The following TVP23C variants were observed in gnomAD, a reference collection of about 807,000 sequenced individuals.
TVP23C encodes trans-golgi network vesicle protein 23 homolog C, also known as Golgi apparatus membrane protein TVP23 homolog C.
In TVP23C, 19 loss-of-function variants were observed where a neutral mutation model predicts 28.7. The observed-to-expected ratio is 0.66, with a 90% CI of 0.46 to 0.97. The LOEUF is 0.97. Ranked by LOEUF, TVP23C falls within the 50% of genes least tolerant of loss-of-function variation. TVP23C has a pLI of 0.00. For synonymous variants in TVP23C, 68 were observed against 81.7 expected, an observed-to-expected ratio of 0.83 and a Z score of 0.90; for missense variants, 186 against 241.3, an observed-to-expected ratio of 0.77 and a Z score of 1.52.
rs7210623 is a variant in TVP23C at position 15,561,218 on chromosome 17, C to T, written c.12+2219G>A. 4.9e-3 allele frequency among the ~76,000 whole-genome samples: 745 copies of T among 152,194 alleles called. 3 individuals carry two copies. The highest frequency in any genetic ancestry group is 0.017 in the African/African-American group (710 of 41,532). Reference sequence around the variant, plus strand: ...TTTGAGTTTTAATAGTTGCCTAAGGCGAGAGGGTGAAGGGGCTATGGAAAT... The same window carrying T: ...TTTGAGTTTTAATAGTTGCCTAAGGTGAGAGGGTGAAGGGGCTATGGAAAT... On this transcript the variant is annotated intron_variant, in intron 1 of 5. Transcript: ENST00000518321.
At chr17:15,541,166 T>C in intron 5 of TVP23C, among the ~76,000 whole-genome samples, 1 of 152,236 alleles carries the variant, frequency 6.6e-6, no homozygotes, top group Admixed American at 6.5e-5. Flanking sequence ...TCACCTATGG[T>C]GATCCCACTA....
Position 15,545,809 on chromosome 17 carries a change from G to A in TVP23C, c.438C>T (p.Leu146=), listed in dbSNP as rs759539917. 4 of 1,613,900 alleles carry A rather than the reference G, an allele frequency of 2.5e-6. No individual in the cohort carries two copies. The South Asian group carries it at 4.4e-5, about 18-fold the overall frequency. The change falls in exon 5 of 6, where the codon CTC becomes CTT. Residue 146 remains leucine (L), a synonymous_variant. Coordinates refer to ENST00000518321, the MANE Select transcript of TVP23C (RefSeq NM_001135036.2). The part of the protein sequence containing the change: ...VLWVIFAFSA[L]FSFTVKWLAV... ...CCAGCCACTTTACTGTGAAGGAGAAGAGTGCACTAAAGGCAAATATCACCC... is the reference window on the plus strand; with the variant it reads ...CCAGCCACTTTACTGTGAAGGAGAAAAGTGCACTAAAGGCAAATATCACCC...
intron 5 of TVP23C, among the ~76,000 whole-genome samples, chr17:15,524,821 T>C (rs1214904825): frequency 6.6e-6 from 1 of 152,126 alleles, no homozygotes; most frequent in Non-Finnish European, 1.5e-5. Flanking sequence ...AGATACAAGG[T>C]TGCAAATAGC....
chr17:15,563,036 A>G (rs1464263431), intron 1 of TVP23C: 1 of 263,336 alleles, frequency 3.8e-6, no homozygotes, highest in African/African-American at 2.2e-5. Flanking sequence ...TGGAAACAGC[A>G]ATTTGAAAGC....
At chr17:15,558,114 T>C (rs1984214760) in intron 1 of TVP23C, among the ~76,000 whole-genome samples, 1 of 149,434 alleles carries the variant, frequency 6.7e-6, no homozygotes, top group African/African-American at 2.4e-5. Context: ...TATAATTGCT[T>C]TGAGGTGTGA....
intron 3 of TVP23C, among the ~76,000 whole-genome samples, chr17:15,548,165 GGTTTT>G (rs1338181497): frequency 1.3e-5 from 2 of 151,686 alleles, no homozygotes; most frequent in Non-Finnish European, 2.9e-5. Context: ...TTTTTTGTTT[GGTTTT>G]GTTTTTTGTT....
chr17:15,538,565 G>C lies in TVP23C; in HGVS notation c.*1847C>G. ...AGATCGCGCCACTGCACTCCAGCCT[G>C]GGCAAACAGAGTGAGACTCTGTCTC... is the stretch of plus-strand genomic sequence containing the variant. On this transcript the variant is annotated 3_prime_UTR_variant, in exon 6 of 6. Coordinates refer to ENST00000518321, the MANE Select transcript of TVP23C (RefSeq NM_001135036.2). 1.0e-6 allele frequency: 1 copy of C among 966,824 alleles called. No individual in the cohort carries two copies. The allele number at this position is 966,824 out of a possible 1,614,324, so 59.9% of individuals were successfully genotyped here.
At chr17:15,511,053 CAAAAAAAAAAA>C (rs58794054) in intron 5 of TVP23C, among the ~76,000 whole-genome samples, 3 of 83,418 alleles carry the variant, frequency 3.6e-5, no homozygotes, top group African/African-American at 8.3e-5. Flanking sequence ...GACTTCGTCT[CAAAAAAAAAAA>C]AAAAAAAAAA....
At chr17:15,517,735 C>T (rs1982292781) in intron 5 of TVP23C, among the ~76,000 whole-genome samples, 1 of 152,158 alleles carries the variant, frequency 6.6e-6, no homozygotes, top group Non-Finnish European at 1.5e-5. Flanking sequence ...CAGGAGGAAG[C>T]CACATCCGAT....
At chr17:15,511,882 G>A (rs1982021039) in intron 5 of TVP23C, among the ~76,000 whole-genome samples, 1 of 152,164 alleles carries the variant, frequency 6.6e-6, no homozygotes, top group South Asian at 2.1e-4. Flanking sequence ...TAGTTCTAAT[G>A]TTTACTTGCA....
intron 3 of TVP23C, among the ~76,000 whole-genome samples, chr17:15,553,399 G>A (rs1327043488): frequency 6.6e-6 from 1 of 151,968 alleles, no homozygotes; most frequent in African/African-American, 2.4e-5. Context: ...TAGGGTCTAT[G>A]GTTGCTAGTC....
intron 5 of TVP23C, among the ~76,000 whole-genome samples, chr17:15,513,894 T>C (rs1223291605): frequency 1.3e-5 from 2 of 152,204 alleles, no homozygotes; most frequent in African/African-American, 4.8e-5. Context: ...AATCTCAGCA[T>C]AGGGCAGAAG....
rs186190222 is a variant in TVP23C, at chr17:15,531,514, A to G, written c.462+14271T>C. ...TTTTTCTTTCTGTTCCTCGGACTGGATAATTACATTTGTCCTATTTTCAAA... is the reference window on the plus strand; with the variant it reads ...TTTTTCTTTCTGTTCCTCGGACTGGGTAATTACATTTGTCCTATTTTCAAA... On this transcript the variant is annotated intron_variant, in intron 5 of 5. Transcript: ENST00000225576. 4.2e-3 allele frequency among the ~76,000 whole-genome samples: 641 copies of G among 152,200 alleles called. 5 individuals are homozygous for G. The highest frequency in any genetic ancestry group is 0.014 in the African/African-American group (594 of 41,522).
In TVP23C at chr17:15,538,855, A is replaced by G; in HGVS notation, c.*1557T>C. The G allele has an allele frequency of 2.0e-6, 2 of 985,886 alleles. No individual in the cohort carries two copies. The highest frequency in any genetic ancestry group is 2.4e-6 in the Non-Finnish European group (2 of 829,944). 61.1% of individuals were successfully genotyped at this position (985,886 alleles called of 1,614,324 possible). ...AAGTTACCCTAAGGTGGACCACAGT[A>G]AAGGTATATTGGAGCCATGCAAAAA... On this transcript the variant is annotated 3_prime_UTR_variant, in exon 6 of 6. Coordinates refer to ENST00000518321, the MANE Select transcript of TVP23C (RefSeq NM_001135036.2).
intron 5 of TVP23C, among the ~76,000 whole-genome samples, chr17:15,514,666 G>C (rs1430943636): frequency 2.0e-5 from 3 of 152,166 alleles, no homozygotes; most frequent in Non-Finnish European, 4.4e-5. Flanking sequence ...AAAACGGAGA[G>C]AGTTCTACAA....
intron 5 of TVP23C, among the ~76,000 whole-genome samples, chr17:15,522,851 T>A (rs1312344261): frequency 6.6e-6 from 1 of 152,120 alleles, no homozygotes. Flanking sequence ...CAGACCAGCC[T>A]GACCAACATG....
intron 5 of TVP23C, chr17:15,507,185 T>G: frequency 1.4e-6 from 1 of 737,426 alleles, no homozygotes; most frequent in African/African-American, 1.7e-5. Flanking sequence ...ATACAAACGG[T>G]TCCTAATTTT....
intron 5 of TVP23C, among the ~76,000 whole-genome samples, chr17:15,512,332 T>C (rs1982034764): frequency 6.6e-6 from 1 of 152,178 alleles, no homozygotes; most frequent in Admixed American, 6.5e-5. Context: ...CCAGGCTTTA[T>C]CTCGTGAGCA....
At chr17:15,544,644 TAA>T (rs1297604999) in intron 5 of TVP23C, among the ~76,000 whole-genome samples, 2 of 152,128 alleles carry the variant, frequency 1.3e-5, no homozygotes, top group Admixed American at 6.5e-5. Flanking sequence ...CATATTAGCG[TAA>T]AGTTTCCCAT....
Sources: gnomAD v4.1 joint callset for allele counts (sites outside exome capture counted in the v4.1 genomes callset) on GRCh38, gnomAD v4.1.1 for gene constraint, MANE v1.5 for transcripts, NCBI Gene and HGNC (gene_info 2026-07-23, HGNC 2026-07-21) for gene names.